KCTD16: variants seen among roughly 807,000 people sequenced by gnomAD.
KCTD16 encodes the protein potassium channel tetramerization domain containing 16.
KCTD16 carries 13 observed loss-of-function variants against 33.2 expected under a neutral mutation model. That is an observed-to-expected ratio of 0.39 (90% CI 0.25 to 0.62). The LOEUF is 0.62. KCTD16 is among the 20% of genes least tolerant of loss of function. KCTD16 has a pLI of 0.50. For synonymous variants in KCTD16, 197 were observed against 195.3 expected, an observed-to-expected ratio of 1.01 and a Z score of -0.07; for missense variants, 441 against 525.1, an observed-to-expected ratio of 0.84 and a Z score of 1.57.
chr5:144,343,363 C>A (rs1378041551), intron 3 of KCTD16, among the ~76,000 whole-genome samples: 1 of 152,084 alleles, frequency 6.6e-6, no homozygotes, highest in Non-Finnish European at 1.5e-5. Flanking sequence ...AGTTTATTTG[C>A]ATAGAGGTGT....
chr5:144,253,201 G>T (rs1362416456), intron 3 of KCTD16, among the ~76,000 whole-genome samples: 3 of 151,884 alleles, frequency 2.0e-5, no homozygotes, highest in Admixed American at 2.0e-4. Context: ...CCACTTGCAG[G>T]TAGATACACA....
At chr5:144,464,306 T>C (rs1462234000) in intron 3 of KCTD16, among the ~76,000 whole-genome samples, 2 of 152,222 alleles carry the variant, frequency 1.3e-5, no homozygotes, top group African/African-American at 4.8e-5. Flanking sequence ...ATGAGCAAAT[T>C]AGTAAAATTT....
At chr5:144,346,849 G>A (rs1036813783) in intron 3 of KCTD16, among the ~76,000 whole-genome samples, 7 of 152,068 alleles carry the variant, frequency 4.6e-5, no homozygotes, top group South Asian at 4.2e-4. Flanking sequence ...GTGCAGAAGC[G>A]TTTTAACTTG....
chr5:144,279,060 T>C (rs1024318520), intron 3 of KCTD16, among the ~76,000 whole-genome samples: 9 of 152,330 alleles, frequency 5.9e-5, no homozygotes, highest in African/African-American at 2.2e-4. Flanking sequence ...GCATTTCATT[T>C]CTTTGAGATT....
intron 3 of KCTD16, among the ~76,000 whole-genome samples, chr5:144,373,905 T>C (rs2126925810): frequency 6.6e-6 from 1 of 152,338 alleles, no homozygotes; most frequent in South Asian, 2.1e-4. Flanking sequence ...GCGTCATGGC[T>C]TAAAACAGCA....
intron 3 of KCTD16, among the ~76,000 whole-genome samples, chr5:144,449,063 T>C (rs1753884717): frequency 6.6e-6 from 1 of 152,062 alleles, no homozygotes; most frequent in African/African-American, 2.4e-5. Flanking sequence ...TTCAGTGTTC[T>C]TCTCTGACTT....
chr5:144,273,666 C>A (rs1246907607), intron 3 of KCTD16, among the ~76,000 whole-genome samples: 4 of 150,086 alleles, frequency 2.7e-5, no homozygotes, highest in Admixed American at 2.0e-4. Flanking sequence ...GTAAAATAAG[C>A]TAGTCACAAA....
intron 3 of KCTD16, among the ~76,000 whole-genome samples, chr5:144,388,601 G>C (rs1173385350): frequency 6.6e-6 from 1 of 152,098 alleles, no homozygotes; most frequent in Non-Finnish European, 1.5e-5. Flanking sequence ...TGTAATTTAT[G>C]CAGTCTTGGC....
intron 3 of KCTD16, among the ~76,000 whole-genome samples, chr5:144,346,422 G>A (rs1752801381): frequency 6.6e-6 from 1 of 151,876 alleles, no homozygotes. Context: ...ATTTTTTTCA[G>A]GGGCCTCCAA....
At chr5:144,442,553 T>TTTTCTCCCTCCCTCCC (rs1339099618) in intron 3 of KCTD16, among the ~76,000 whole-genome samples, 117 of 151,434 alleles carry the variant, frequency 7.7e-4, no homozygotes, top group African/African-American at 2.8e-3. Flanking sequence ...TCCTTCCTTC[T>TTTTCTCCCTCCCTCCC]TTTCTCCCTC....
chr5:144,347,122 A>C (rs1470476766), intron 3 of KCTD16, among the ~76,000 whole-genome samples: 1 of 152,226 alleles, frequency 6.6e-6, no homozygotes, highest in Non-Finnish European at 1.5e-5. Context: ...TTACATTAGG[A>C]AATGATTTAC....
At chr5:144,312,754 G>T (rs867000346) in intron 3 of KCTD16, among the ~76,000 whole-genome samples, 30 of 152,314 alleles carry the variant, frequency 2.0e-4, no homozygotes, top group East Asian at 5.8e-4. Context: ...CACTGGAAAA[G>T]GGTGTGAAGG....
chr5:144,277,689 G>C (rs897171700), intron 3 of KCTD16, among the ~76,000 whole-genome samples: 6 of 152,102 alleles, frequency 3.9e-5, no homozygotes, highest in African/African-American at 1.4e-4. Flanking sequence ...GTTAGTACTT[G>C]CTGTTGTTAA....
intron 3 of KCTD16, among the ~76,000 whole-genome samples, chr5:144,431,689 A>G (rs1370681531): frequency 2.0e-5 from 3 of 152,192 alleles, no homozygotes; most frequent in Non-Finnish European, 4.4e-5. Flanking sequence ...TTCCAGCAGC[A>G]TAGTTTAAGA....
chr5:144,469,542 G>A, intron 3 of KCTD16, among the ~76,000 whole-genome samples: 1 of 152,122 alleles, frequency 6.6e-6, no homozygotes, highest in Non-Finnish European at 1.5e-5. Flanking sequence ...TAATTGAATG[G>A]AATACTTAGT....
chr5:144,399,754 A>G (rs1752660834), intron 3 of KCTD16, among the ~76,000 whole-genome samples: 1 of 152,066 alleles, frequency 6.6e-6, no homozygotes, highest in South Asian at 2.1e-4. Flanking sequence ...CACTCATCTC[A>G]TTTTCTCATC....
At chr5:144,313,768 A>G (rs766834282) in intron 3 of KCTD16, among the ~76,000 whole-genome samples, 1 of 152,192 alleles carries the variant, frequency 6.6e-6, no homozygotes, top group Non-Finnish European at 1.5e-5. Context: ...TGGAATATCC[A>G]GAGCCCCTTA....
chr5:144,299,108 A>ACTATG (rs1756147670), intron 3 of KCTD16, among the ~76,000 whole-genome samples: 7 of 10,512 alleles, frequency 6.7e-4, no homozygotes, highest in Non-Finnish European at 1.1e-3. Context: ...ATATATATAT[A>ACTATG]TATATATATA....
At position 144,305,288 on chromosome 5, in the gene KCTD16, TG is replaced by T. The variant is rs1448070855; in HGVS notation, c.832+97743del. 2.8e-4 allele frequency among the ~76,000 whole-genome samples: 43 copies of T among 152,208 alleles called. 1 individual carries two copies. Among genetic ancestry groups the T allele is most frequent in the Admixed American group, 1.3e-4 (2 of 15,284 alleles). On this transcript the variant is annotated intron_variant, in intron 3 of 3. Transcript: ENST00000512467. ...TAGGAAGATCTACCAGCAAAGGTTG[TG>T]TTATAAGCTGCAGAGTGTCCATCTA...
Sources: gnomAD v4.1 joint callset for allele counts (sites outside exome capture counted in the v4.1 genomes callset) on GRCh38, gnomAD v4.1.1 for gene constraint, MANE v1.5 for transcripts, NCBI Gene and HGNC (gene_info 2026-07-23, HGNC 2026-07-21) for gene names.